Variants in RANGAP1 observed in about 807,000 individuals in gnomAD.
RANGAP1 encodes Ran GTPase activating protein 1, also known as ran GTPase-activating protein 1.
Under a neutral mutation model 63.5 loss-of-function variants are expected in RANGAP1, and 38 were observed. That is an observed-to-expected ratio of 0.60 (90% confidence interval 0.46 to 0.78). RANGAP1 has a LOEUF of 0.78. RANGAP1 is among the 30% of genes least tolerant of loss of function. RANGAP1 has a pLI of 0.00. For synonymous variants in RANGAP1, 329 were observed against 310.5 expected, an observed-to-expected ratio of 1.06 and a Z score of -0.63; for missense variants, 630 against 740.3, an observed-to-expected ratio of 0.85 and a Z score of 1.73.
intron 2 of RANGAP1, chr22:41,277,592 G>C: frequency 1.1e-6 from 1 of 941,874 alleles, no homozygotes; most frequent in Non-Finnish European, 1.4e-6. Flanking sequence ...GTCAAGAAGG[G>C]TCTTGAGAAA....
rs764609386 is a variant in RANGAP1 at position 41,264,742 on chromosome 22, G to A, written c.402C>T (p.Ala134=). The part of the protein sequence containing the change: ...FGPDGVQGFE[A]LLKSSACFTL... ...TGAAGCAGGCTGAGCTCTTGAGCAG[G>A]GCCTCGAAGCCTTGCACACCGTCGG... Residue 134 remains alanine (A), a synonymous_variant, in exon 5 of 16, where the codon GCC becomes GCT. Transcript: ENST00000356244. The A allele has an allele frequency of 5.0e-6, 8 of 1,613,928 alleles. No individual in the cohort carries two copies. In the Admixed American group the frequency reaches 1.3e-4, roughly 27 times the overall value.
At chr22:41,259,875 G>A (rs554065306) in intron 6 of RANGAP1, among the ~76,000 whole-genome samples, 4 of 152,268 alleles carry the variant, frequency 2.6e-5, no homozygotes, top group South Asian at 2.1e-4. Context: ...GCATGGTGGT[G>A]CACACCTGTA....
upstream of RANGAP1, among the ~76,000 whole-genome samples, chr22:41,286,483 T>C (rs576299675): frequency 1.1e-4 from 16 of 152,324 alleles, no homozygotes; most frequent in South Asian, 3.3e-3. Flanking sequence ...GAGACTACAA[T>C]TCCCAGAATG....
At chr22:41,270,952 T>C (rs573469063) in intron 3 of RANGAP1, among the ~76,000 whole-genome samples, 2 of 152,150 alleles carry the variant, frequency 1.3e-5, no homozygotes, top group African/African-American at 2.4e-5. Flanking sequence ...ACAGTCAGCA[T>C]AGGACTCTAG....
chr22:41,277,071 ATTTTTTT>A (rs1033324630), intron 2 of RANGAP1, among the ~76,000 whole-genome samples: 8 of 90,224 alleles, frequency 8.9e-5, no homozygotes, highest in South Asian at 3.8e-4. Flanking sequence ...GAAAGTGAGG[ATTTTTTT>A]TTTTTTTTTT....
chr22:41,285,834 C>T (rs1416881771), intron 1 of RANGAP1, 152 bp downstream of exon 1: 1 of 481,468 alleles, frequency 2.1e-6, no homozygotes, highest in Non-Finnish European at 2.7e-6. Flanking sequence ...CAACCCCACT[C>T]CCACCGCCAC....
In RANGAP1 at chr22:41,254,382, C is replaced by T; in HGVS notation, c.1186G>A (p.Glu396Lys). 1 of 1,614,028 alleles carries T rather than the reference C, an allele frequency of 6.2e-7. No individual in the cohort carries two copies. Among genetic ancestry groups the T allele is most frequent in the South Asian group, 1.1e-5 (1 of 91,082 alleles). ...CCCTGCCCTCGCTGCTGAGGCTCTT[C>T]TTCCTCCTCCTCCTCCTCTTCTTCC... is the stretch of plus-strand genomic sequence containing the variant. ...EEEEEEEEEE[E>K]EPQQRGQGEK... Residue 396 changes from glutamate to lysine, a missense_variant, in exon 11 of 16, where the codon GAA (glutamate) becomes AAA (lysine). By Grantham distance (56) the Glu-to-Lys change is moderately conservative. Transcript: ENST00000356244.
At chr22:41,284,064 C>T (rs759018323) in intron 1 of RANGAP1, among the ~76,000 whole-genome samples, 42 of 151,452 alleles carry the variant, frequency 2.8e-4, no homozygotes, top group Non-Finnish European at 4.4e-4. Context: ...CTGGCTAACA[C>T]GGTGAAACCC....
intron 2 of RANGAP1, 135 bp downstream of exon 2, chr22:41,280,798 C>G: frequency 6.5e-7 from 1 of 1,526,776 alleles, no homozygotes; most frequent in Non-Finnish European, 8.8e-7. Flanking sequence ...TTAGAATAGG[C>G]CCAATGATAC....
intron 2 of RANGAP1, 147 bp downstream of exon 2, chr22:41,280,786 T>G: frequency 6.5e-7 from 1 of 1,527,108 alleles, no homozygotes. Flanking sequence ...TGAGCCTCAT[T>G]GTTAGAATAG....
In RANGAP1 at chr22:41,254,612, G is replaced by A. The variant is rs892431096; in HGVS notation, c.1074-118C>T. 26 of 1,482,098 alleles carry A rather than the reference G, an allele frequency of 1.8e-5. No homozygotes were observed. In the African/African-American group the frequency reaches 2.4e-4, roughly 14 times the overall value. 91.8% of individuals were successfully genotyped at this position (1,482,098 alleles called of 1,614,324 possible). ...AGCCAGGAGGGAGAGAGCCTGGTGG[G>A]GTGGGAGCACCTGCTCCCAGGGCAG... is the stretch of plus-strand genomic sequence containing the variant. On this transcript the variant is annotated intron_variant, in intron 10 of 15. Coordinates refer to ENST00000356244, the MANE Select transcript of RANGAP1 (RefSeq NM_002883.4).
chr22:41,246,730 G>GT, intron 15 of RANGAP1, 58 bp from the exon 16 acceptor site: 1 of 1,436,262 alleles, frequency 7.0e-7, no homozygotes, highest in Non-Finnish European at 9.6e-7. Flanking sequence ...TTTTCCAAGT[G>GT]TGGGGGCCAT....
At chr22:41,299,694 G>A in the RANGAP1 span, among the ~76,000 whole-genome samples, 6 of 152,100 alleles carry the variant, frequency 3.9e-5, no homozygotes, top group African/African-American at 1.4e-4. Flanking sequence ...TGACAACATG[G>A]GACTGACAAC....
intron 15 of RANGAP1, 144 bp downstream of exon 15, chr22:41,249,186 G>T: frequency 8.5e-7 from 1 of 1,177,206 alleles, no homozygotes; most frequent in Non-Finnish European, 1.2e-6. Flanking sequence ...GAGAGCCCAG[G>T]AGGCATGAGG....
intron 6 of RANGAP1, among the ~76,000 whole-genome samples, chr22:41,259,811 T>G (rs1011057198): frequency 6.6e-6 from 1 of 152,216 alleles, no homozygotes; most frequent in South Asian, 2.1e-4. Flanking sequence ...GAGACCAGCC[T>G]GGCTAACATG....
At chr22:41,287,221 G>A (rs1018769269), upstream of RANGAP1, among the ~76,000 whole-genome samples, 2 of 152,142 alleles carry the variant, frequency 1.3e-5, no homozygotes, top group African/African-American at 4.8e-5. Flanking sequence ...ATGGTTAAAA[G>A]AAATATACCT....
chr22:41,250,835 A>T (rs188666199), intron 13 of RANGAP1, among the ~76,000 whole-genome samples, 172 bp downstream of exon 13: 1 of 152,256 alleles, frequency 6.6e-6, no homozygotes, highest in East Asian at 1.9e-4. Context: ...CAGGGAGAAG[A>T]GCAGCCAGCT....
At chr22:41,271,299 G>C (rs1279182127) in intron 3 of RANGAP1, among the ~76,000 whole-genome samples, 1 of 149,494 alleles carries the variant, frequency 6.7e-6, no homozygotes, top group African/African-American at 2.5e-5. Context: ...GAGATGGAAG[G>C]ATCACTTGAG....
chr22:41,246,418 C>A lies in RANGAP1; in HGVS notation c.*185G>T. On this transcript the variant is annotated 3_prime_UTR_variant, in exon 16 of 16. Coordinates refer to ENST00000356244, the MANE Select transcript of RANGAP1 (RefSeq NM_002883.4). ...TTAAAACCCAAATCCCGACAGGAGGCACAGACCTGCACATGCGCCACACCC... is the reference window on the plus strand; with the variant it reads ...TTAAAACCCAAATCCCGACAGGAGGAACAGACCTGCACATGCGCCACACCC... The A allele has an allele frequency of 1.6e-6, 1 of 607,978 alleles. No homozygotes were observed. The highest frequency in any genetic ancestry group is 2.9e-6 in the Non-Finnish European group (1 of 350,722). The allele number at this position is 607,978 out of a possible 1,614,324, so 37.7% of individuals were successfully genotyped here. A position where few individuals can be genotyped will look rare whatever the true frequency, so the allele number is the denominator to read the frequency against.
Sources: allele counts gnomAD v4.1 joint callset (sites outside exome capture counted in the v4.1 genomes callset), GRCh38; gene constraint gnomAD v4.1.1; transcripts MANE v1.5; gene names NCBI Gene and HGNC (gene_info 2026-07-23, HGNC 2026-07-21).